The following PTCD3 variants were observed in gnomAD, a reference collection of about 807,000 sequenced individuals.
PTCD3 encodes small ribosomal subunit protein mS39.
PTCD3 carries 89 observed loss-of-function variants against 101.9 expected under a neutral mutation model. The observed-to-expected ratio is 0.87, with a 90% CI of 0.74 to 1.04. PTCD3 has a LOEUF of 1.04. Among genes scored for constraint, PTCD3 ranks in the 50% least tolerant of loss-of-function variants. The probability of loss-of-function intolerance (pLI) is 0.00; values close to 1 mark genes in which losing one functional copy is unlikely to be tolerated. For missense variants in PTCD3, 870 were observed against 828.2 expected (o/e 1.05, Z -0.62); for synonymous variants, 296 against 278.5 (o/e 1.06, Z -0.63).
At chr2:86,125,955 TGTG>T (rs1020463398) in intron 12 of PTCD3, 75 bp downstream of exon 12, 13 of 1,096,434 alleles carry the variant, frequency 1.2e-5, no homozygotes, top group Non-Finnish European at 1.5e-5. Context: ...GCTGGCCAGG[TGTG>T]GTGGCTCAAA....
In PTCD3 at chr2:86,142,030, A is replaced by G. The variant is rs1413333366; in HGVS notation, c.*4471A>G. On this transcript the variant is annotated 3_prime_UTR_variant, in exon 24 of 24. Transcript: ENST00000254630. ...GGCCAAGCAGGGTCCCCTTTTCGGTATCATCTTTGTTCCTAATAAGCAATC... is the reference window on the plus strand; with the variant it reads ...GGCCAAGCAGGGTCCCCTTTTCGGTGTCATCTTTGTTCCTAATAAGCAATC... 4 of 143,432 alleles carry G rather than the reference A, an allele frequency of 2.8e-5. No individual in the cohort carries two copies. Among genetic ancestry groups the G allele is most frequent in the African/African-American group, 1.0e-4 (4 of 39,528 alleles). 8.9% of individuals were successfully genotyped at this position (143,432 alleles called of 1,614,324 possible).
intron 8 of PTCD3, among the ~76,000 whole-genome samples, 189 bp downstream of exon 8, chr2:86,121,783 T>C (rs567596988): frequency 6.6e-6 from 1 of 152,362 alleles, no homozygotes; most frequent in East Asian, 1.9e-4. Context: ...ACTTCTGTCC[T>C]AGTTTACTTT....
At chr2:86,134,555 T>A (rs1674549224) in intron 20 of PTCD3, among the ~76,000 whole-genome samples, 178 bp downstream of exon 20, 1 of 152,222 alleles carries the variant, frequency 6.6e-6, no homozygotes, top group Non-Finnish European at 1.5e-5. Context: ...TTACCCTCTT[T>A]CCTGTAGTCC....
At chr2:86,123,453 C>T (rs1219760884) in intron 8 of PTCD3, among the ~76,000 whole-genome samples, 1 of 152,206 alleles carries the variant, frequency 6.6e-6, no homozygotes, top group Non-Finnish European at 1.5e-5. Context: ...ATACAGGGAA[C>T]TGGCTTCATC....
Position 86,133,388 on chromosome 2 carries a change from G to C in PTCD3, c.1495G>C (p.Ala499Pro), listed in dbSNP as rs777055180. The change falls in exon 19 of 24, where the codon GCA (alanine) becomes CCA (proline). Residue 499 changes from alanine to proline, a missense_variant. By Grantham distance (27) the Ala-to-Pro change is conservative (BLOSUM62 -1). Transcript: ENST00000254630. ...CCAAACAATGATACATCTTCTCCAA[G>C]CATTGGATGTGGCCAATCGGCTAGA... The part of the protein sequence containing the change: ...HSQTMIHLLQ[A>P]LDVANRLEVI... The C allele has an allele frequency of 2.6e-5, 42 of 1,614,030 alleles. No individual in the cohort carries two copies. The highest frequency in any genetic ancestry group is 3.4e-5 in the Non-Finnish European group (40 of 1,180,012).
chr2:86,113,534 A>G (rs1674126129), intron 4 of PTCD3, among the ~76,000 whole-genome samples: 1 of 152,206 alleles, frequency 6.6e-6, no homozygotes, highest in Non-Finnish European at 1.5e-5. Context: ...GGCTGGACAT[A>G]GTGGCTCATG....
rs1410112785 is a variant in PTCD3 at position 86,136,655 on chromosome 2, C to T, written c.1820+93C>T. On this transcript the variant is annotated intron_variant, in intron 22 of 23. Transcript: ENST00000254630. ...CAGCCTTAGCCACCACATTTGGGCA[C>T]TCTTCTGTTAGGCAAGCATACCGTC... 6 of 1,424,464 alleles carry T rather than the reference C, an allele frequency of 4.2e-6. No individual in the cohort carries two copies. The Admixed American group carries it at 8.5e-5, about 20-fold the overall frequency. 88.2% of individuals were successfully genotyped at this position (1,424,464 alleles called of 1,614,324 possible). A position where few individuals can be genotyped will look rare whatever the true frequency, so the allele number is the denominator to read the frequency against.
At chr2:86,115,097 G>A (rs1245900604) in intron 4 of PTCD3, among the ~76,000 whole-genome samples, 1 of 152,178 alleles carries the variant, frequency 6.6e-6, no homozygotes, top group African/African-American at 2.4e-5. Flanking sequence ...GTACAAACAG[G>A]TTAGGCACAG....
At chr2:86,130,161 C>T (rs1360206353) in intron 14 of PTCD3, among the ~76,000 whole-genome samples, 2 of 152,018 alleles carry the variant, frequency 1.3e-5, no homozygotes, top group Non-Finnish European at 2.9e-5. Context: ...ATTAGCCAGG[C>T]GTGGTGGCGA....
intron 15 of PTCD3, 27 bp downstream of exon 15, chr2:86,130,764 C>T (rs1311834392): frequency 6.2e-7 from 1 of 1,610,510 alleles, no homozygotes; most frequent in African/African-American, 1.3e-5. Context: ...CTTGTGTTTT[C>T]CTCCTCTAAA....
rs747952735 is a variant in PTCD3, at chr2:86,133,205, A to G, written c.1401A>G (p.Leu467=). Residue 467 remains leucine (L), a synonymous_variant, in exon 18 of 24, where the codon CTA becomes CTG. Transcript: ENST00000254630. ...YYSKFFDLIC[L]MEQIDVTLKW... is the part of the protein sequence containing the mutation. ...CCAAGTTCTTCGATTTGATTTGTCT[A>G]ATGGAACAAATTGATGTTACCTTGA... The G allele has an allele frequency of 1.1e-5, 17 of 1,613,992 alleles. No individual in the cohort carries two copies.
intron 19 of PTCD3, 33 bp downstream of exon 19, chr2:86,133,469 C>G (rs763998567): frequency 6.5e-7 from 1 of 1,531,696 alleles, no homozygotes; most frequent in Non-Finnish European, 9.0e-7. Flanking sequence ...CCAGGTGCAT[C>G]TCACCTCAAT....
At chr2:86,131,961 A>T (rs1461044765) in intron 16 of PTCD3, among the ~76,000 whole-genome samples, 1 of 152,218 alleles carries the variant, frequency 6.6e-6, no homozygotes, top group South Asian at 2.1e-4. Flanking sequence ...TGTTGGCAGC[A>T]ACCAGTATTT....
intron 19 of PTCD3, among the ~76,000 whole-genome samples, chr2:86,133,720 G>A (rs1030290954): frequency 2.0e-5 from 3 of 152,188 alleles, no homozygotes; most frequent in African/African-American, 4.8e-5. Flanking sequence ...TGCTAATGGC[G>A]TGGCAGACCC....
chr2:86,135,018 G>T (rs776355970), intron 21 of PTCD3, 31 bp downstream of exon 21: 4 of 1,576,886 alleles, frequency 2.5e-6, no homozygotes, highest in Non-Finnish European at 3.5e-6. Flanking sequence ...ATACACTTTA[G>T]AAGCTTTTGT....
intron 12 of PTCD3, 23 bp from the exon 13 acceptor site, chr2:86,127,138 C>G: frequency 6.3e-7 from 1 of 1,590,712 alleles, no homozygotes; most frequent in South Asian, 1.1e-5. Flanking sequence ...ATGAAAGATA[C>G]TTCTTGTTTT....
intron 3 of PTCD3, chr2:86,109,050 T>C (rs75356890): frequency 0.028 from 4,309 of 152,694 alleles, 100 homozygotes; most frequent in East Asian, 0.099. Context: ...TGTTACAGTG[T>C]AGTCCTATTG....
In PTCD3 at chr2:86,125,786, A is replaced by G. The variant is rs191332529; in HGVS notation, c.866-9A>G. The G allele has an allele frequency of 2.4e-5, 38 of 1,575,954 alleles. No homozygotes were observed. The highest frequency in any genetic ancestry group is 1.7e-4 in the Middle Eastern group (1 of 5,922). ...CAACCCCAAATTTTATCATTTTATT[A>G]TTTTACAGCTGATGTATACACATTT... On this transcript the variant is annotated splice_polypyrimidine_tract_variant and intron_variant, in intron 11 of 23. Coordinates refer to ENST00000254630, the MANE Select transcript of PTCD3 (RefSeq NM_017952.6).
Position 86,137,025 on chromosome 2 carries a change from A to G in PTCD3, c.1864A>G (p.Asn622Asp), listed in dbSNP as rs1674598108. Residue 622 changes from asparagine to aspartate, a missense_variant, in exon 23 of 24, where the codon AAC becomes GAC. Coordinates refer to ENST00000254630, the MANE Select transcript of PTCD3 (RefSeq NM_017952.6). ...GCTTATGGACAGTGCAAAAGTGTCTAACAGCCCTTCCCAGGCCATTGAAGT... is the reference window on the plus strand; with the variant it reads ...GCTTATGGACAGTGCAAAAGTGTCTGACAGCCCTTCCCAGGCCATTGAAGT... The part of the protein sequence containing the change: ...NELMDSAKVS[N>D]SPSQAIEVVE... 1 of 1,613,908 alleles carries G rather than the reference A, an allele frequency of 6.2e-7. No individual in the cohort carries two copies. The highest frequency in any genetic ancestry group is 1.1e-5 in the South Asian group (1 of 91,040).
Sources: allele counts gnomAD v4.1 joint callset (sites outside exome capture counted in the v4.1 genomes callset), GRCh38; gene constraint gnomAD v4.1.1; transcripts MANE v1.5; gene names NCBI Gene and HGNC (gene_info 2026-07-23, HGNC 2026-07-21).